EPG5: variants seen among roughly 807,000 people sequenced by gnomAD.
EPG5 encodes the protein ectopic P-granules 5 autophagy tethering factor.
EPG5 carries 159 observed loss-of-function variants against 302.7 expected under a neutral mutation model. The observed-to-expected ratio is 0.53, with a 90% CI of 0.46 to 0.60. The LOEUF (loss-of-function observed/expected upper bound fraction) is 0.60. Among genes scored for constraint, EPG5 ranks in the 20% least tolerant of loss-of-function variants. The probability of loss-of-function intolerance (pLI) is 0.00; values close to 1 mark genes in which losing one functional copy is unlikely to be tolerated. For missense variants in EPG5, 2,896 were observed against 3,092.4 expected, an observed-to-expected ratio of 0.94 and a Z score of 1.51; for synonymous variants, 1,158 against 1,136.8, an observed-to-expected ratio of 1.02 and a Z score of -0.37.
chr18:45,841,329 C>G, the EPG5 span, among the ~76,000 whole-genome samples: 1 of 151,900 alleles, frequency 6.6e-6, no homozygotes, highest in African/African-American at 2.4e-5. Context: ...TAGGGGCAGC[C>G]CGGGAGAGGA....
chr18:45,927,471 T>C (rs549164127), intron 13 of EPG5, among the ~76,000 whole-genome samples: 5 of 152,132 alleles, frequency 3.3e-5, no homozygotes, highest in African/African-American at 1.2e-4. Context: ...CCAAAAGAAG[T>C]GAAAGCAAGG....
At chr18:45,927,946 C>A (rs1378985646) in intron 13 of EPG5, among the ~76,000 whole-genome samples, 3 of 152,098 alleles carry the variant, frequency 2.0e-5, no homozygotes, top group African/African-American at 7.2e-5. Context: ...GTAATCCCAG[C>A]ACTTTGGGAG....
chr18:45,887,806 T>G lies in EPG5; in HGVS notation c.5054A>C (p.Gln1685Pro). ...GAACTGCCTTGTTGGGGGATGACGC[T>G]GCGTCTCATCGCTGACGTAATCCAC... Reference protein sequence around the residue: ...TIVDYVSDETQRHPPTRQFFT... With the variant: ...TIVDYVSDETPRHPPTRQFFT... The change falls in exon 29 of 44, where the codon CAG becomes CCG. Residue 1685 changes from glutamine to proline, a missense_variant. Gln to Pro is a moderately conservative substitution (Grantham distance 76). Around this residue, in one of 5 missense-constraint regions of EPG5, gnomAD observed 790 missense variants for 798.0 expected, o/e 0.99. Transcript: ENST00000282041. 1.2e-6 allele frequency: 2 copies of G among 1,603,454 alleles called. No homozygotes were observed. Among genetic ancestry groups the G allele is most frequent in the Non-Finnish European group, 1.7e-6 (2 of 1,171,890 alleles).
intron 13 of EPG5, among the ~76,000 whole-genome samples, chr18:45,927,134 G>A (rs953153129): frequency 7.9e-5 from 12 of 150,964 alleles, no homozygotes; most frequent in Non-Finnish European, 1.3e-4. Flanking sequence ...CCAGGTTCAT[G>A]CCATTCTCCT....
the EPG5 span, among the ~76,000 whole-genome samples, chr18:45,801,367 C>T: frequency 1.3e-5 from 2 of 152,180 alleles, no homozygotes; most frequent in Non-Finnish European, 2.9e-5. Context: ...CAGGGTCTCA[C>T]TATGTTGTCC....
intron 16 of EPG5, among the ~76,000 whole-genome samples, chr18:45,921,646 A>C (rs1012620276): frequency 6.6e-6 from 1 of 152,202 alleles, no homozygotes. Context: ...CTATGGGCTC[A>C]TATCAGAGAG....
chr18:45,863,142 C>T (rs1387348153), intron 39 of EPG5, among the ~76,000 whole-genome samples: 2 of 152,142 alleles, frequency 1.3e-5, no homozygotes, highest in Non-Finnish European at 2.9e-5. Context: ...TTAATATTTG[C>T]CTGACATAAT....
intron 1 of EPG5, among the ~76,000 whole-genome samples, chr18:45,956,461 ATTTT>A (rs57253117): frequency 1.7e-5 from 2 of 119,152 alleles, no homozygotes; most frequent in African/African-American, 7.3e-5. Context: ...TTATTTATTT[ATTTT>A]TTTTTTTTTG....
chr18:45,866,016 C>A (rs2048738853), intron 38 of EPG5, among the ~76,000 whole-genome samples: 1 of 152,094 alleles, frequency 6.6e-6, no homozygotes, highest in Non-Finnish European at 1.5e-5. Context: ...ACAAGAATAA[C>A]AACATTAACC....
intron 39 of EPG5, among the ~76,000 whole-genome samples, chr18:45,860,786 T>C (rs1052076798): frequency 8.5e-5 from 13 of 152,236 alleles, no homozygotes; most frequent in African/African-American, 2.7e-4. Context: ...TAGGGTGATT[T>C]ACACACATTA....
intron 34 of EPG5, 122 bp from the exon 35 acceptor site, chr18:45,876,464 T>C (rs2048973426): frequency 1.5e-6 from 1 of 676,816 alleles, no homozygotes; most frequent in South Asian, 1.8e-5. Context: ...GACACACATT[T>C]AGAATACTTA....
At chr18:45,868,236 G>A (rs1454723103) in intron 36 of EPG5, 3 of 452,426 alleles carry the variant, frequency 6.6e-6, no homozygotes, top group Non-Finnish European at 1.3e-5. Flanking sequence ...GAGCCAGAAT[G>A]TGTAAGTTCC....
chr18:45,942,225 A>C (rs75861721), intron 9 of EPG5, among the ~76,000 whole-genome samples: 1 of 151,234 alleles, frequency 6.6e-6, no homozygotes, highest in Non-Finnish European at 1.5e-5. Context: ...ACCCTGTCTC[A>C]AAAAAAAAGA....
chr18:45,914,372 C>G (rs2049980057), intron 20 of EPG5, among the ~76,000 whole-genome samples: 2 of 152,090 alleles, frequency 1.3e-5, no homozygotes, highest in Non-Finnish European at 2.9e-5. Context: ...TGTTCCAGCT[C>G]AATCCATGAG....
chr18:45,892,626 C>T (rs1222528533), intron 27 of EPG5, among the ~76,000 whole-genome samples: 1 of 152,186 alleles, frequency 6.6e-6, no homozygotes, highest in African/African-American at 2.4e-5. Context: ...TTATAAATCA[C>T]CCCATTTCCC....
At chr18:45,838,422 A>G in the EPG5 span, 9 of 491,766 alleles carry the variant, frequency 1.8e-5, no homozygotes, top group African/African-American at 1.4e-4. Flanking sequence ...ATGGCCACTT[A>G]GCATTTGCTA....
At chr18:45,948,209 C>T (rs770502248) in intron 6 of EPG5, among the ~76,000 whole-genome samples, 2 of 152,196 alleles carry the variant, frequency 1.3e-5, no homozygotes, top group African/African-American at 4.8e-5. Context: ...TCTCTTCTGG[C>T]ATTAAATCTC....
At chr18:45,967,013 G>T (rs2051279078) in intron 1 of EPG5, among the ~76,000 whole-genome samples, 164 bp downstream of exon 1, 1 of 152,136 alleles carries the variant, frequency 6.6e-6, no homozygotes, top group Non-Finnish European at 1.5e-5. Flanking sequence ...GAATGGAGGA[G>T]AAGGGCCGGT....
At chr18:45,847,520 T>G (rs1248352339), downstream of EPG5, 1 of 152,260 alleles carries the variant, frequency 6.6e-6, no homozygotes, top group African/African-American at 2.4e-5. Context: ...TTACGAAGTT[T>G]CTCATATAAA....
Sources: gnomAD v4.1 joint callset for allele counts (sites outside exome capture counted in the v4.1 genomes callset) on GRCh38, gnomAD v4.1.1 for gene constraint, gnomAD v4.1.1 regional missense constraint, MANE v1.5 for transcripts, NCBI Gene and HGNC (gene_info 2026-07-23, HGNC 2026-07-21) for gene names.